The following WT1 variants were observed in gnomAD, a reference collection of about 807,000 sequenced individuals.
WT1 encodes the protein Wilms tumor protein.
In WT1, 8 loss-of-function variants were observed where a neutral mutation model predicts 60.8. That is an observed-to-expected ratio of 0.13 (90% CI 0.08 to 0.24). WT1 has a LOEUF of 0.24. WT1 is among the 10% of genes least tolerant of loss of function. WT1 has a pLI of 1.00. For synonymous variants in WT1, 312 were observed against 297.1 expected (o/e 1.05, Z -0.52); for missense variants, 568 against 711.8 (o/e 0.80, Z 2.30).
chr11:32,430,938 G>A (rs956099325), intron 1 of WT1: 69 of 901,948 alleles, frequency 7.7e-5, no homozygotes, highest in Non-Finnish European at 9.4e-5. Context: ...GGGGCCAGGG[G>A]AGGTAAAGCT....
At chr11:32,429,054 C>T (rs78042269) in intron 1 of WT1, 1 of 292,348 alleles carries the variant, frequency 3.4e-6, no homozygotes, top group South Asian at 3.6e-5. Flanking sequence ...GCGTTGACTC[C>T]GAGCTGTAAA....
intron 5 of WT1, 85 bp downstream of exon 5, chr11:32,416,405 G>T: frequency 1.3e-6 from 2 of 1,552,044 alleles, no homozygotes; most frequent in Admixed American, 1.7e-5. Context: ...GATTACCCAC[G>T]TCAGTCCTAA....
At chr11:32,398,946 G>A (rs5030270) in intron 6 of WT1, among the ~76,000 whole-genome samples, 26,649 of 151,034 alleles carry the variant, frequency 0.18, 3,282 homozygotes, top group East Asian at 0.65. Context: ...CACCAGGTCA[G>A]GAGATCAAGA....
At chr11:32,431,646 T>C (rs1293242336) in intron 1 of WT1, among the ~76,000 whole-genome samples, 1 of 151,874 alleles carries the variant, frequency 6.6e-6, no homozygotes, top group African/African-American at 2.4e-5. Context: ...TTTCACCGTG[T>C]TGGCCAGGCT....
chr11:32,414,759 G>GCTACTC (rs906622692), intron 5 of WT1, among the ~76,000 whole-genome samples: 6 of 151,860 alleles, frequency 4.0e-5, no homozygotes, highest in African/African-American at 1.2e-4. Flanking sequence ...TGTAATCCCA[G>GCTACTC]CTACTCAGGA....
chr11:32,397,384 G>A (rs533115142), intron 6 of WT1, among the ~76,000 whole-genome samples: 2 of 152,174 alleles, frequency 1.3e-5, no homozygotes, highest in African/African-American at 2.4e-5. Context: ...TGGCACGATC[G>A]GGGCTCCTGC....
At position 32,388,833 on chromosome 11, in the gene WT1, C is replaced by T. The variant is rs1389082529; in HGVS notation, c.*225G>A. 1.4e-6 allele frequency: 1 copy of T among 698,710 alleles called. No individual in the cohort carries two copies. Among genetic ancestry groups the T allele is most frequent in the Non-Finnish European group, 2.3e-6 (1 of 432,412 alleles). The allele number at this position is 698,710 out of a possible 1,614,324, so 43.3% of individuals were successfully genotyped here. The stretch of plus-strand genomic sequence containing the variant: ...CTTTTAACTAACCAGACATTGTTAG[C>T]TGCTTCTCCAGGGCCTGTGAGTCAA... On this transcript the variant is annotated 3_prime_UTR_variant, in exon 10 of 10. Transcript: ENST00000452863.
chr11:32,410,833 T>C (rs1852474821), intron 5 of WT1, among the ~76,000 whole-genome samples: 1 of 152,232 alleles, frequency 6.6e-6, no homozygotes, highest in African/African-American at 2.4e-5. Flanking sequence ...TACTAAAATA[T>C]GCAGTAGCTC....
chr11:32,426,854 G>C (rs1853060384), intron 3 of WT1, among the ~76,000 whole-genome samples: 1 of 152,116 alleles, frequency 6.6e-6, no homozygotes, highest in African/African-American at 2.4e-5. Context: ...CTGGGGCTGC[G>C]CCTCGCTCCG....
At chr11:32,423,992 C>T (rs559640120) in intron 3 of WT1, among the ~76,000 whole-genome samples, 1 of 152,024 alleles carries the variant, frequency 6.6e-6, no homozygotes, top group South Asian at 2.1e-4. Context: ...GAAACCCCCT[C>T]TCTACTAAAA....
chr11:32,403,179 G>A (rs539164662), intron 5 of WT1, among the ~76,000 whole-genome samples: 6 of 150,014 alleles, frequency 4.0e-5, no homozygotes, highest in Admixed American at 6.6e-5. Flanking sequence ...CCAGGCCCCC[G>A]CCTATGGGGA....
intron 1 of WT1, chr11:32,430,451 GGAGGGA>G (rs1564997546): frequency 2.2e-6 from 2 of 917,014 alleles, no homozygotes; most frequent in South Asian, 4.0e-5. Context: ...AGAGAGAGAG[GGAGGGA>G]GAGAGAGAGA....
intron 3 of WT1, among the ~76,000 whole-genome samples, chr11:32,420,070 A>G (rs1304663875): frequency 6.6e-6 from 1 of 152,122 alleles, no homozygotes; most frequent in Non-Finnish European, 1.5e-5. Flanking sequence ...TACGTATATG[A>G]CTTTTTCTAG....
rs1240715155 is a variant in WT1 at position 32,435,283 on chromosome 11, C to T, written c.78G>A (p.Gly26=). 4 of 1,534,014 alleles carry T rather than the reference C, an allele frequency of 2.6e-6. No homozygotes were observed. In the Admixed American group the frequency reaches 5.9e-5, roughly 23 times the overall value. Residue 26 remains glycine (G), a synonymous_variant, in exon 1 of 10, where the codon GGG becomes GGA. Coordinates refer to ENST00000452863, the MANE Select transcript of WT1 (RefSeq NM_024426.6). ...GCTCTGGCTGCTGTAGGCACCCAGGCCCGGAGCGGAGCGTGTGCTGAGACG... is the reference window on the plus strand; with the variant it reads ...GCTCTGGCTGCTGTAGGCACCCAGGTCCGGAGCGGAGCGTGTGCTGAGACG...
At chr11:32,401,631 CT>C (rs1270480267) in intron 5 of WT1, among the ~76,000 whole-genome samples, 6 of 152,226 alleles carry the variant, frequency 3.9e-5, no homozygotes, top group African/African-American at 1.4e-4. Context: ...ACCACCGCCC[CT>C]GGGTTCAAAT....
At chr11:32,397,680 T>C (rs1310176986) in intron 6 of WT1, among the ~76,000 whole-genome samples, 1 of 152,170 alleles carries the variant, frequency 6.6e-6, no homozygotes, top group Non-Finnish European at 1.5e-5. Context: ...ACCAACTCCT[T>C]GCCCTGTGCA....
At chr11:32,400,270 G>A (rs945282203) in intron 5 of WT1, 1 of 617,672 alleles carries the variant, frequency 1.6e-6, no homozygotes, top group Non-Finnish European at 2.9e-6. Context: ...TCCGATTCTC[G>A]TAGGCGTGCA....
At chr11:32,423,991 T>C (rs907836742) in intron 3 of WT1, among the ~76,000 whole-genome samples, 4 of 151,886 alleles carry the variant, frequency 2.6e-5, no homozygotes, top group Non-Finnish European at 5.9e-5. Flanking sequence ...TGAAACCCCC[T>C]CTCTACTAAA....
At chr11:32,405,632 G>T (rs1166062208) in intron 5 of WT1, among the ~76,000 whole-genome samples, 2 of 120,890 alleles carry the variant, frequency 1.7e-5, no homozygotes, top group African/African-American at 7.2e-5. Flanking sequence ...TTACACAAAT[G>T]ACAACTTCCT....
Sources: gnomAD v4.1 joint callset for allele counts (sites outside exome capture counted in the v4.1 genomes callset) on GRCh38, gnomAD v4.1.1 for gene constraint, MANE v1.5 for transcripts, NCBI Gene and HGNC (gene_info 2026-07-23, HGNC 2026-07-21) for gene names.